TC2N: variants seen among roughly 807,000 people sequenced by gnomAD.
TC2N encodes the protein tandem C2 domains, nuclear, also known as tandem C2 domains nuclear protein.
A neutral mutation model predicts 61.9 loss-of-function variants in TC2N; 51 were observed. The observed-to-expected ratio is 0.82, with a 90% CI of 0.66 to 1.04. The LOEUF is 1.04. Ranked by LOEUF, TC2N falls within the 50% of genes least tolerant of loss-of-function variation. The pLI is 0.00. For missense variants in TC2N, 556 were observed against 566.7 expected (o/e 0.98, Z 0.19); for synonymous variants, 204 against 192.6 (o/e 1.06, Z -0.49).
At chr14:91,819,788 T>C (rs1374894609) in intron 1 of TC2N, among the ~76,000 whole-genome samples, 1 of 152,016 alleles carries the variant, frequency 6.6e-6, no homozygotes, top group Non-Finnish European at 1.5e-5. Flanking sequence ...AAAGTAAAAA[T>C]GTAAATAATT....
intron 1 of TC2N, among the ~76,000 whole-genome samples, chr14:91,864,393 G>A (rs1171093959): frequency 2.6e-5 from 4 of 152,118 alleles, no homozygotes; most frequent in Non-Finnish European, 5.9e-5. Flanking sequence ...TTTTTGGTAA[G>A]TTTTCAGATC....
At chr14:91,858,615 C>T (rs1888530993) in intron 1 of TC2N, among the ~76,000 whole-genome samples, 1 of 152,166 alleles carries the variant, frequency 6.6e-6, no homozygotes, top group South Asian at 2.1e-4. Flanking sequence ...GACTCTGCTG[C>T]TTCAGGATGC....
At position 91,813,684 on chromosome 14, in the gene TC2N, A is replaced by C. The variant is rs1372014076; in HGVS notation, c.67+19T>G. 3 of 1,532,264 alleles carry C rather than the reference A, an allele frequency of 2.0e-6. No individual in the cohort carries two copies. In the Admixed American group the frequency reaches 5.1e-5, roughly 26 times the overall value. 94.9% of individuals were successfully genotyped at this position (1,532,264 alleles called of 1,614,324 possible). On this transcript the variant is annotated intron_variant, in intron 2 of 11. Transcript: ENST00000435962. Reference sequence around the variant, plus strand: ...AGAAGATGCTACATAAATGTTACTGAAGTCAAAATAAAACTCACAGTTGTG... The same window carrying C: ...AGAAGATGCTACATAAATGTTACTGCAGTCAAAATAAAACTCACAGTTGTG...
chr14:91,797,955 C>T lies in TC2N; in HGVS notation c.739-54G>A, dbSNP rs79556702. Reference sequence around the variant, plus strand: ...TTTACAAAGGATCCAACAATACAAACATTTGATGTATTTCTTGAGGTACTG... The same window carrying T: ...TTTACAAAGGATCCAACAATACAAATATTTGATGTATTTCTTGAGGTACTG... On this transcript the variant is annotated intron_variant, in intron 7 of 11. Coordinates refer to ENST00000435962, the MANE Select transcript of TC2N (RefSeq NM_001128596.3). 4,887 of 1,136,866 alleles carry T rather than the reference C, an allele frequency of 4.3e-3. 142 individuals carry two copies. In the African/African-American group the frequency reaches 0.066, roughly 15 times the overall value. 70.4% of individuals were successfully genotyped at this position (1,136,866 alleles called of 1,614,324 possible).
At chr14:91,811,696 A>T (rs1383217821) in intron 3 of TC2N, among the ~76,000 whole-genome samples, 2 of 152,090 alleles carry the variant, frequency 1.3e-5, no homozygotes, top group Non-Finnish European at 2.9e-5. Flanking sequence ...TTACTTTTTC[A>T]TTCTAGACAT....
chr14:91,788,286 C>T (rs1885463571), intron 9 of TC2N, among the ~76,000 whole-genome samples: 1 of 152,184 alleles, frequency 6.6e-6, no homozygotes, highest in Non-Finnish European at 1.5e-5. Context: ...TTCTTCAGTA[C>T]TGCTGACCAA....
chr14:91,796,101 T>A (rs1237018853), intron 8 of TC2N, among the ~76,000 whole-genome samples: 1 of 152,080 alleles, frequency 6.6e-6, no homozygotes, highest in African/African-American at 2.4e-5. Flanking sequence ...TAAGTTAAAT[T>A]AGCTTTATTT....
chr14:91,854,236 G>A (rs1888433872), intron 1 of TC2N, among the ~76,000 whole-genome samples: 1 of 152,088 alleles, frequency 6.6e-6, no homozygotes. Flanking sequence ...CTTAAACACA[G>A]ATAATCTTGG....
At chr14:91,794,391 T>C (rs1243515579) in intron 8 of TC2N, among the ~76,000 whole-genome samples, 1 of 152,220 alleles carries the variant, frequency 6.6e-6, no homozygotes, top group Non-Finnish European at 1.5e-5. Flanking sequence ...TGTAGGACTT[T>C]CACAGTTATG....
At position 91,782,920 on chromosome 14, in the gene TC2N, A is replaced by C. The variant is rs543948411; in HGVS notation, c.*180T>G. ...TTAAAACATTTCCTTTACTTTGGATATCTGATAAAATTCATTACATTTTCT... is the reference window on the plus strand; with the variant it reads ...TTAAAACATTTCCTTTACTTTGGATCTCTGATAAAATTCATTACATTTTCT... On this transcript the variant is annotated 3_prime_UTR_variant, in exon 12 of 12. Coordinates refer to ENST00000435962, the MANE Select transcript of TC2N (RefSeq NM_001128596.3). The C allele has an allele frequency of 2.4e-5, 12 of 496,566 alleles. No homozygotes were observed. The highest frequency in any genetic ancestry group is 1.8e-4 in the African/African-American group (9 of 50,354). 30.8% of individuals were successfully genotyped at this position (496,566 alleles called of 1,614,324 possible).
intron 10 of TC2N, among the ~76,000 whole-genome samples, chr14:91,785,836 TA>T (rs1305809349): frequency 1.3e-5 from 2 of 152,066 alleles, no homozygotes; most frequent in Non-Finnish European, 2.9e-5. Context: ...ATAGCTTGTA[TA>T]AACTAACCTT....
At chr14:91,852,733 CAAGAGA>C (rs892094292) in intron 1 of TC2N, among the ~76,000 whole-genome samples, 2 of 151,922 alleles carry the variant, frequency 1.3e-5, no homozygotes, top group Middle Eastern at 3.2e-3. Flanking sequence ...CCCACTGGAG[CAAGAGA>C]AAGAGAAAGA....
chr14:91,859,048 C>T (rs532023528), intron 1 of TC2N, among the ~76,000 whole-genome samples: 10 of 152,220 alleles, frequency 6.6e-5, no homozygotes, highest in African/African-American at 1.9e-4. Context: ...GGAGCCACCT[C>T]GGGATACTGG....
At chr14:91,822,723 T>C (rs1474577493) in intron 1 of TC2N, among the ~76,000 whole-genome samples, 6 of 149,180 alleles carry the variant, frequency 4.0e-5, no homozygotes, top group Non-Finnish European at 8.9e-5. Flanking sequence ...TCTTTTTTTT[T>C]TTTTTTTTTG....
At chr14:91,854,958 T>G (rs1025293731) in intron 1 of TC2N, among the ~76,000 whole-genome samples, 2 of 152,184 alleles carry the variant, frequency 1.3e-5, no homozygotes, top group Non-Finnish European at 2.9e-5. Context: ...CAACGTATTT[T>G]TGTGCAGCTG....
intron 1 of TC2N, among the ~76,000 whole-genome samples, chr14:91,857,035 A>G (rs1313745779): frequency 6.6e-6 from 1 of 152,224 alleles, no homozygotes; most frequent in African/African-American, 2.4e-5. Context: ...AGGTAGATCA[A>G]GCAAGAGACC....
At chr14:91,841,798 C>G (rs977078830) in intron 1 of TC2N, among the ~76,000 whole-genome samples, 7 of 152,154 alleles carry the variant, frequency 4.6e-5, no homozygotes, top group African/African-American at 1.7e-4. Context: ...CCTTCAATTC[C>G]ACTTTCAGAC....
Position 91,802,817 on chromosome 14 carries a change from G to A in TC2N, c.302-396C>T, listed in dbSNP as rs542156083. ...AATTGACCACATGCTGAGATACACC[G>A]AGAAACTCTCAAATTTGGAAGGACT... On this transcript the variant is annotated intron_variant, in intron 3 of 11. Transcript: ENST00000435962. 7.7e-4 allele frequency among the ~76,000 whole-genome samples: 116 copies of A among 151,460 alleles called. 1 individual carries two copies. The highest frequency in any genetic ancestry group is 8.8e-4 in the Non-Finnish European group (60 of 67,886).
rs750833070 is a variant in TC2N at position 91,792,430 on chromosome 14, G to C, written c.984C>G (p.Leu328=). ...CCATTTCCTGTGTGCTAAGGGTTCT[G>C]AGTGACATTGAGCATTCTCCAATGG... ...KKTIGECSMS[L]RTLSTQEMDY... is the part of the protein sequence containing the mutation. The change falls in exon 9 of 12, where the codon CTC becomes CTG. Residue 328 remains leucine (L), a synonymous_variant. Coordinates refer to ENST00000435962, the MANE Select transcript of TC2N (RefSeq NM_001128596.3). 1.2e-5 allele frequency: 20 copies of C among 1,610,844 alleles called. No individual in the cohort carries two copies. The highest frequency in any genetic ancestry group is 1.6e-5 in the Non-Finnish European group (19 of 1,177,952).
Sources: gnomAD v4.1 joint callset for allele counts (sites outside exome capture counted in the v4.1 genomes callset) on GRCh38, gnomAD v4.1.1 for gene constraint, MANE v1.5 for transcripts, NCBI Gene and HGNC (gene_info 2026-07-23, HGNC 2026-07-21) for gene names.